The following OR1J2 variants were observed in gnomAD, a reference collection of about 807,000 sequenced individuals.
OR1J2 encodes olfactory receptor family 1 subfamily J member 2.
For synonymous variants in OR1J2, 142 were observed against 99.7 expected, an observed-to-expected ratio of 1.42 and a Z score of -2.52; for missense variants, 304 against 246.1, an observed-to-expected ratio of 1.24 and a Z score of -1.57.
the OR1J2 span, among the ~76,000 whole-genome samples, chr9:122,460,370 G>A: frequency 6.6e-6 from 1 of 152,000 alleles, no homozygotes; most frequent in Non-Finnish European, 1.5e-5. Context: ...TGAATAGGGT[G>A]TCCTTTCCTC....
At chr9:122,555,175 C>T in the OR1J2 span, among the ~76,000 whole-genome samples, 1 of 152,152 alleles carries the variant, frequency 6.6e-6, no homozygotes, top group Admixed American at 6.5e-5. Context: ...AAAAGAAGCA[C>T]TGAAACAGAT....
the OR1J2 span, among the ~76,000 whole-genome samples, chr9:122,523,261 A>G: frequency 6.6e-6 from 1 of 152,164 alleles, no homozygotes; most frequent in African/African-American, 2.4e-5. Flanking sequence ...ATGTTGCTAT[A>G]CATAGGTGTG....
Position 122,511,636 on chromosome 9 carries a change from A to G in OR1J2, c.835A>G (p.Thr279Ala), listed in dbSNP as rs771217384. ...GGATGTCATTGTGGCTCTCATGTAC[A>G]CGGTGGTCACACCCATGTTGAACCC... ...DKDVIVALMY[T>A]VVTPMLNPFI... Residue 279 changes from threonine to alanine, a missense_variant, in exon 1 of 1, where the codon ACG (threonine) becomes GCG (alanine). Coordinates refer to ENST00000335302, the MANE Select transcript of OR1J2 (RefSeq NM_054107.1). 1.8e-5 allele frequency: 14 copies of G among 780,962 alleles called. No homozygotes were observed. The highest frequency in any genetic ancestry group is 3.3e-5 in the Non-Finnish European group (14 of 418,150). The allele number at this position is 780,962 out of a possible 1,614,324, so 48.4% of individuals were successfully genotyped here. A position where few individuals can be genotyped will look rare whatever the true frequency, so the allele number is the denominator to read the frequency against.
At chr9:122,460,029 G>A in the OR1J2 span, among the ~76,000 whole-genome samples, 1 of 152,036 alleles carries the variant, frequency 6.6e-6, no homozygotes, top group Admixed American at 6.6e-5. Flanking sequence ...CCACTTATGA[G>A]TGACAACATA....
chr9:122,565,553 G>A, the OR1J2 span, among the ~76,000 whole-genome samples: 1 of 152,192 alleles, frequency 6.6e-6, no homozygotes, highest in Non-Finnish European at 1.5e-5. Context: ...CAGCAGCAGA[G>A]ACCAACGCTG....
chr9:122,532,723 G>T, the OR1J2 span, among the ~76,000 whole-genome samples: 1 of 152,072 alleles, frequency 6.6e-6, no homozygotes, highest in African/African-American at 2.4e-5. Context: ...GGCAGCAGCC[G>T]CTGCACGGAG....
chr9:122,519,602 C>G, the OR1J2 span: 2 of 1,614,004 alleles, frequency 1.2e-6, no homozygotes, highest in Non-Finnish European at 1.7e-6. Flanking sequence ...TCTCCTGTAC[C>G]AATGCCCTGT....
chr9:122,538,387 T>C, the OR1J2 span, among the ~76,000 whole-genome samples: 1 of 152,200 alleles, frequency 6.6e-6, no homozygotes, highest in African/African-American at 2.4e-5. Context: ...TGTGTGTTTG[T>C]GGCTATTGTA....
the OR1J2 span, among the ~76,000 whole-genome samples, chr9:122,523,194 A>G: frequency 6.6e-6 from 1 of 152,238 alleles, no homozygotes; most frequent in Admixed American, 6.5e-5. Flanking sequence ...TAGAGTGGAC[A>G]GAGTGGGCCA....
the OR1J2 span, among the ~76,000 whole-genome samples, chr9:122,489,016 A>G: frequency 2.2e-5 from 2 of 91,822 alleles, no homozygotes. Flanking sequence ...CCCCCCACCC[A>G]TTGACAGGCC....
chr9:122,501,348 C>G, the OR1J2 span, among the ~76,000 whole-genome samples: 1 of 152,120 alleles, frequency 6.6e-6, no homozygotes, highest in African/African-American at 2.4e-5. Flanking sequence ...GCTGTGTCTT[C>G]TTGGTCTTTG....
At chr9:122,528,378 A>G in the OR1J2 span, among the ~76,000 whole-genome samples, 1 of 152,104 alleles carries the variant, frequency 6.6e-6, no homozygotes, top group Non-Finnish European at 1.5e-5. Context: ...AGGCGGATCT[A>G]CCTGAGGTCA....
At chr9:122,455,802 A>AT in the OR1J2 span, among the ~76,000 whole-genome samples, 2 of 151,928 alleles carry the variant, frequency 1.3e-5, no homozygotes, top group South Asian at 2.1e-4. Context: ...AGATTTATTC[A>AT]TTTTTTTGTA....
chr9:122,552,054 T>C, the OR1J2 span, among the ~76,000 whole-genome samples: 42 of 75,248 alleles, frequency 5.6e-4, no homozygotes, highest in African/African-American at 2.1e-3. Flanking sequence ...CACACACACA[T>C]ACACTCTCTC....
the OR1J2 span, among the ~76,000 whole-genome samples, chr9:122,474,909 C>T: frequency 3.8e-3 from 583 of 152,322 alleles, 5 homozygotes; most frequent in African/African-American, 0.013. Flanking sequence ...CGTGTCTAAG[C>T]AGCTGACACG....
chr9:122,556,022 A>G, the OR1J2 span, among the ~76,000 whole-genome samples: 1 of 152,306 alleles, frequency 6.6e-6, no homozygotes, highest in Admixed American at 6.5e-5. Flanking sequence ...TCTGTGCTTC[A>G]TCTAGTTATT....
At chr9:122,477,623 A>G in the OR1J2 span, 2 of 1,614,248 alleles carry the variant, frequency 1.2e-6, no homozygotes, top group African/African-American at 2.7e-5. Flanking sequence ...ATGAAAAAAT[A>G]TGTCTGTGAA....
chr9:122,497,621 G>T, the OR1J2 span, among the ~76,000 whole-genome samples: 2 of 151,700 alleles, frequency 1.3e-5, no homozygotes, highest in South Asian at 2.1e-4. Context: ...ACCAACTTTT[G>T]GTTTCATTTA....
At chr9:122,451,922 A>G in the OR1J2 span, among the ~76,000 whole-genome samples, 2 of 152,154 alleles carry the variant, frequency 1.3e-5, no homozygotes, top group South Asian at 4.1e-4. Flanking sequence ...TCTGTCGCCC[A>G]GGCTGGAGTG....
Sources: allele counts gnomAD v4.1 joint callset (sites outside exome capture counted in the v4.1 genomes callset), GRCh38; gene constraint gnomAD v4.1.1; transcripts MANE v1.5; gene names NCBI Gene and HGNC (gene_info 2026-07-23, HGNC 2026-07-21).